The following SLC12A2 variants were observed in gnomAD, a reference collection of about 807,000 sequenced individuals.
SLC12A2 encodes the protein Na-K-2Cl cotransporter 1.
In SLC12A2, 67 loss-of-function variants were observed where a neutral mutation model predicts 136.3. That is an observed-to-expected ratio of 0.49 (90% CI 0.40 to 0.60). The LOEUF (loss-of-function observed/expected upper bound fraction) is 0.60. Among genes scored for constraint, SLC12A2 ranks in the 20% least tolerant of loss-of-function variants. SLC12A2 has a pLI of 0.00. For synonymous variants in SLC12A2, 619 were observed against 562.9 expected (o/e 1.10, Z -1.41); for missense variants, 1,322 against 1,534.7 (o/e 0.86, Z 2.32).
chr5:128,090,287 T>G (rs1482127201), intron 1 of SLC12A2, among the ~76,000 whole-genome samples: 1 of 152,206 alleles, frequency 6.6e-6, no homozygotes, highest in Non-Finnish European at 1.5e-5. Context: ...CACTGCTAAA[T>G]TGATATCTTC....
At chr5:128,186,458 A>AG (rs777603488) in intron 26 of SLC12A2, 38 bp from the exon 27 acceptor site, 12 of 1,411,828 alleles carry the variant, frequency 8.5e-6, no homozygotes, top group South Asian at 1.3e-5. Context: ...TGCATTGCTC[A>AG]GGGTTTTTTT....
intron 1 of SLC12A2, among the ~76,000 whole-genome samples, chr5:128,099,906 A>G (rs958001992): frequency 6.6e-6 from 1 of 152,166 alleles, no homozygotes; most frequent in Non-Finnish European, 1.5e-5. Context: ...TATCTGCCTG[A>G]GGCTGTTTTA....
chr5:128,157,141 C>G (rs776607115), intron 15 of SLC12A2, among the ~76,000 whole-genome samples: 1 of 152,110 alleles, frequency 6.6e-6, no homozygotes, highest in South Asian at 2.1e-4. Context: ...TAAACGTTAA[C>G]GTTTAAGTCG....
chr5:128,177,418 A>G, intron 21 of SLC12A2: 1 of 285,972 alleles, frequency 3.5e-6, no homozygotes, highest in Non-Finnish European at 6.4e-6. Flanking sequence ...AATTTTTTTT[A>G]ATTTAAACTG....
chr5:128,166,460 ATGTGTG>A (rs147416302), intron 17 of SLC12A2, among the ~76,000 whole-genome samples: 67 of 150,002 alleles, frequency 4.5e-4, no homozygotes, highest in African/African-American at 1.4e-3. Flanking sequence ...GGATAAACAA[ATGTGTG>A]TGTGTGTGTG....
chr5:128,143,420 C>T (rs1399883917), intron 10 of SLC12A2, among the ~76,000 whole-genome samples: 1 of 152,104 alleles, frequency 6.6e-6, no homozygotes, highest in Non-Finnish European at 1.5e-5. Context: ...TAGTGAATTT[C>T]TAAAACATAC....
intron 1 of SLC12A2, among the ~76,000 whole-genome samples, chr5:128,107,724 T>C (rs1304792215): frequency 1.3e-5 from 2 of 152,194 alleles, no homozygotes; most frequent in South Asian, 2.1e-4. Flanking sequence ...AAGACTTTGC[T>C]GTTGTGAATA....
At position 128,083,943 on chromosome 5, in the gene SLC12A2, G is replaced by T. The variant is rs1759903488; in HGVS notation, c.-12G>T. 3 of 1,230,018 alleles carry T rather than the reference G, an allele frequency of 2.4e-6. No homozygotes were observed. Among genetic ancestry groups the T allele is most frequent in the South Asian group, 3.5e-5 (1 of 28,652 alleles). 76.2% of individuals were successfully genotyped at this position (1,230,018 alleles called of 1,614,324 possible). On this transcript the variant is annotated 5_prime_UTR_variant, in exon 1 of 27. Transcript: ENST00000262461. Reference sequence around the variant, plus strand: ...CGCCGGGCTCTGCAGTTCCGCCGGGGGTCGGGCAGCTATGGAGCCGCGGCC... The same window carrying T: ...CGCCGGGCTCTGCAGTTCCGCCGGGTGTCGGGCAGCTATGGAGCCGCGGCC...
At chr5:128,110,842 A>G (rs1426593007) in intron 1 of SLC12A2, 5 of 1,461,560 alleles carry the variant, frequency 3.4e-6, no homozygotes, top group Non-Finnish European at 4.8e-6. Context: ...GGATGATGAC[A>G]TATTCTGTTA....
chr5:128,162,825 G>A (rs1196714821), intron 17 of SLC12A2, among the ~76,000 whole-genome samples: 2 of 152,212 alleles, frequency 1.3e-5, no homozygotes, highest in East Asian at 1.9e-4. Flanking sequence ...AATACAGAGT[G>A]TTAGAAATGG....
At position 128,138,605 on chromosome 5, in the gene SLC12A2, T is replaced by C. The variant is rs1762258488; in HGVS notation, c.1417T>C (p.Phe473Leu). ...TATTTTGTTCTCTGCAGCTGAAATATTTAATGAGAACTTTGGGCCCGATTT... is the reference window on the plus strand; with the variant it reads ...TATTTTGTTCTCTGCAGCTGAAATACTTAATGAGAACTTTGGGCCCGATTT... ...KGFFGYKSEIFNENFGPDFRE... is the reference protein window; with the variant it reads ...KGFFGYKSEILNENFGPDFRE... The change falls in exon 8 of 27, where the codon TTT (phenylalanine) becomes CTT (leucine). Residue 473 changes from phenylalanine (F) to leucine (L), a missense_variant. Phe to Leu is a conservative substitution (Grantham distance 22). Transcript: ENST00000262461. The C allele has an allele frequency of 1.2e-6, 2 of 1,607,752 alleles. No individual in the cohort carries two copies. Among genetic ancestry groups the C allele is most frequent in the South Asian group, 2.2e-5 (2 of 89,566 alleles).
intron 1 of SLC12A2, among the ~76,000 whole-genome samples, chr5:128,101,272 A>G (rs1355227591): frequency 6.6e-6 from 1 of 152,146 alleles, no homozygotes; most frequent in Non-Finnish European, 1.5e-5. Flanking sequence ...TTGTTAGAAT[A>G]AAACCGGCCA....
intron 21 of SLC12A2, among the ~76,000 whole-genome samples, chr5:128,177,356 C>A (rs1402567569): frequency 6.6e-6 from 1 of 151,886 alleles, no homozygotes; most frequent in African/African-American, 2.4e-5. Context: ...ATCACAAATT[C>A]TTTTCTATTA....
In SLC12A2 at chr5:128,127,016, A is replaced by G. The variant is rs1482567875; in HGVS notation, c.1049-4051A>G. Among the ~76,000 whole-genome samples the G allele has an allele frequency of 3.4e-5, 4 of 116,876 alleles. 1 individual carries two copies. In the Admixed American group the frequency reaches 4.3e-4, roughly 12 times the overall value. 76.7% of individuals were successfully genotyped at this position (116,876 alleles called of 152,430 possible). Reference sequence around the variant, plus strand: ...TCTAAAACAACCTAGCATTTGTAGGATAAACTTCACCGGGTCAGAGATATT... The same window carrying G: ...TCTAAAACAACCTAGCATTTGTAGGGTAAACTTCACCGGGTCAGAGATATT... On this transcript the variant is annotated intron_variant, in intron 4 of 26. Transcript: ENST00000262461.
chr5:128,148,980 TC>T (rs1762614433), intron 12 of SLC12A2, 103 bp downstream of exon 12: 5 of 1,021,820 alleles, frequency 4.9e-6, no homozygotes, highest in African/African-American at 1.6e-5. Flanking sequence ...ATACTAAGTT[TC>T]TTTGTAATCA....
intron 23 of SLC12A2, among the ~76,000 whole-genome samples, chr5:128,181,430 C>A (rs1404554864): frequency 6.6e-6 from 1 of 152,146 alleles, no homozygotes; most frequent in Non-Finnish European, 1.5e-5. Flanking sequence ...CAGTATTTCT[C>A]TCCTGCTCTC....
intron 4 of SLC12A2, among the ~76,000 whole-genome samples, chr5:128,122,374 A>T (rs950352556): frequency 5.3e-5 from 8 of 152,226 alleles, no homozygotes; most frequent in Non-Finnish European, 2.9e-5. Flanking sequence ...ATTGGAGTTT[A>T]CATTGAGGTA....
chr5:128,116,165 AATC>A (rs544092667), intron 4 of SLC12A2, among the ~76,000 whole-genome samples: 1 of 152,172 alleles, frequency 6.6e-6, no homozygotes, highest in Non-Finnish European at 1.5e-5. Flanking sequence ...GGGATCAGCA[AATC>A]ATCAAAGAAT....
Position 128,084,475 on chromosome 5 carries a change from G to T in SLC12A2, c.521G>T (p.Gly174Val), listed in dbSNP as rs756989100. ...GGGCCCAACGTGAGCTTCCAGAACG[G>T]CGGGGACACGGTGCTGAGCGAGGGC... ...VDGPNVSFQN[G>V]GDTVLSEGSS... The change falls in exon 1 of 27, where the codon GGC (glycine) becomes GTC (valine). Residue 174 changes from glycine to valine, a missense_variant. Physicochemically the swap from Gly to Val is moderately radical, Grantham distance 109. This residue lies in a region of SLC12A2 where 358 missense variants were observed against 299.7 expected (regional missense o/e 1.19). Coordinates refer to ENST00000262461, the MANE Select transcript of SLC12A2 (RefSeq NM_001046.3). The surrounding 1 kb of genome is among the most constrained non-coding windows in gnomAD (Gnocchi z 5.6). 1.9e-6 allele frequency: 3 copies of T among 1,608,690 alleles called. No individual in the cohort carries two copies. Among genetic ancestry groups the T allele is most frequent in the Non-Finnish European group, 2.5e-6 (3 of 1,178,736 alleles).
Sources: allele counts gnomAD v4.1 joint callset (sites outside exome capture counted in the v4.1 genomes callset), GRCh38; gene constraint gnomAD v4.1.1; regional missense constraint gnomAD v4.1.1; non-coding constraint Gnocchi (gnomAD v3.1); transcripts MANE v1.5; gene names NCBI Gene and HGNC (gene_info 2026-07-23, HGNC 2026-07-21).